Variants in GAB1 observed in about 807,000 individuals in gnomAD.
GAB1 encodes the protein GRB2-associated-binding protein 1.
A neutral mutation model predicts 66.5 loss-of-function variants in GAB1; 19 were observed. The observed-to-expected ratio is 0.29, with a 90% CI of 0.20 to 0.42. The LOEUF (loss-of-function observed/expected upper bound fraction) is 0.42, where lower values mean the gene tolerates loss of function less well. GAB1 is among the 10% of genes least tolerant of loss of function. The pLI, the probability that GAB1 is intolerant of heterozygous loss-of-function variation, is 1.00. For synonymous variants in GAB1, 294 were observed against 301.4 expected (o/e 0.98, Z 0.25); for missense variants, 732 against 858.5 (o/e 0.85, Z 1.84).
At chr4:143,464,577 G>C (rs1735681676) in intron 8 of GAB1, among the ~76,000 whole-genome samples, 1 of 151,992 alleles carries the variant, frequency 6.6e-6, no homozygotes, top group Non-Finnish European at 1.5e-5. Flanking sequence ...TGATAAATTT[G>C]GTTTAAAAAA....
chr4:143,381,633 G>A (rs1431459838), intron 1 of GAB1, among the ~76,000 whole-genome samples: 2 of 152,180 alleles, frequency 1.3e-5, no homozygotes, highest in Non-Finnish European at 2.9e-5. Context: ...ACAGTCCCTG[G>A]GAGGTGGTAT....
intron 1 of GAB1, among the ~76,000 whole-genome samples, chr4:143,356,320 T>C (rs866025303): frequency 1.3e-5 from 2 of 152,190 alleles, no homozygotes; most frequent in African/African-American, 4.8e-5. Flanking sequence ...ATCTATGCAA[T>C]GTGTAAATGC....
intron 8 of GAB1, among the ~76,000 whole-genome samples, chr4:143,465,340 TAG>T (rs1468277540): frequency 6.6e-6 from 1 of 152,214 alleles, no homozygotes; most frequent in African/African-American, 2.4e-5. Context: ...TCCCTTTTTT[TAG>T]AGAGTAGTCC....
chr4:143,337,074 T>C lies in GAB1; in HGVS notation c.-115T>C. ...GTCTGTCCGCCCAGTCCGTCCGGGG[T>C]GCGCGACCAGGAGAGCTAGGTTCTC... is the stretch of plus-strand genomic sequence containing the variant. On this transcript the variant is annotated 5_prime_UTR_variant, in exon 1 of 10. Coordinates refer to ENST00000262994, the MANE Select transcript of GAB1 (RefSeq NM_002039.4). 4.7e-6 allele frequency: 4 copies of C among 857,666 alleles called. No homozygotes were observed. Among genetic ancestry groups the C allele is most frequent in the Non-Finnish European group, 7.2e-6 (4 of 553,416 alleles). The allele number at this position is 857,666 out of a possible 1,614,324, so 53.1% of individuals were successfully genotyped here. A position where few individuals can be genotyped will look rare whatever the true frequency, so the allele number is the denominator to read the frequency against.
chr4:143,436,386 G>A (rs1159231686), intron 3 of GAB1, among the ~76,000 whole-genome samples: 2 of 152,144 alleles, frequency 1.3e-5, no homozygotes, highest in Non-Finnish European at 2.9e-5. Flanking sequence ...CCCTGTAGGG[G>A]CCCTTACTAG....
At chr4:143,434,309 C>T (rs1216842904) in intron 3 of GAB1, 1 of 274,930 alleles carries the variant, frequency 3.6e-6, no homozygotes, top group Non-Finnish European at 7.1e-6. Flanking sequence ...AATTACGAAA[C>T]TTTTAGTCTT....
intron 1 of GAB1, chr4:143,349,278 C>G: frequency 9.1e-7 from 1 of 1,100,012 alleles, no homozygotes; most frequent in East Asian, 2.4e-5. Flanking sequence ...AAAAACCCTA[C>G]GTTGTAGCCA....
chr4:143,372,539 CAA>C (rs35177399), intron 1 of GAB1, among the ~76,000 whole-genome samples: 49,078 of 151,912 alleles, frequency 0.32, 8,120 homozygotes, highest in South Asian at 0.49. Context: ...ACCATGGTCA[CAA>C]GAGAAAACTG....
At chr4:143,447,595 T>A (rs1734635094) in intron 6 of GAB1, among the ~76,000 whole-genome samples, 1 of 152,148 alleles carries the variant, frequency 6.6e-6, no homozygotes, top group Non-Finnish European at 1.5e-5. Flanking sequence ...GGCTCTCTGT[T>A]ATTGGTGTAT....
At chr4:143,460,589 TAAGAAA>T (rs1735439009) in intron 8 of GAB1, 102 bp downstream of exon 8, 1 of 1,058,282 alleles carries the variant, frequency 9.4e-7, no homozygotes, top group African/African-American at 1.6e-5. Flanking sequence ...TTTATATACT[TAAGAAA>T]AAGCAGTAAA....
At chr4:143,362,642 T>C (rs1402967083) in intron 1 of GAB1, among the ~76,000 whole-genome samples, 2 of 152,242 alleles carry the variant, frequency 1.3e-5, no homozygotes, top group Non-Finnish European at 2.9e-5. Context: ...GGAGTGTCTC[T>C]TAGCATGCTA....
intron 1 of GAB1, among the ~76,000 whole-genome samples, chr4:143,385,097 C>T (rs958414051): frequency 8.5e-5 from 13 of 152,262 alleles, no homozygotes; most frequent in African/African-American, 3.1e-4. Flanking sequence ...GTTTATATAT[C>T]AGCATAGCTA....
chr4:143,468,520 C>T (rs1251460495), intron 9 of GAB1, among the ~76,000 whole-genome samples: 5 of 151,654 alleles, frequency 3.3e-5, no homozygotes, highest in African/African-American at 9.7e-5. Context: ...GCTTTGAATT[C>T]TTAAATATAA....
At chr4:143,457,597 T>C in intron 6 of GAB1, 2 of 195,872 alleles carry the variant, frequency 1.0e-5, no homozygotes, top group Non-Finnish European at 1.7e-5. Context: ...CTCTGTTGCT[T>C]TTTTTTTTTT....
chr4:143,400,565 TTTTTTA>T (rs74868785), intron 1 of GAB1, among the ~76,000 whole-genome samples: 7,454 of 152,290 alleles, frequency 0.049, 187 homozygotes, highest in African/African-American at 0.053. Context: ...AGACTTTTTA[TTTTTTA>T]TTTTTAATTC....
intron 1 of GAB1, among the ~76,000 whole-genome samples, chr4:143,373,852 TC>T: frequency 8.3e-6 from 1 of 120,002 alleles, no homozygotes. Context: ...TCTCTCTCTC[TC>T]TCTGTAAATA....
At chr4:143,355,986 A>G (rs1394531942) in intron 1 of GAB1, among the ~76,000 whole-genome samples, 1 of 152,064 alleles carries the variant, frequency 6.6e-6, no homozygotes, top group Non-Finnish European at 1.5e-5. Context: ...TCTGCTGAAC[A>G]TGAAGCTGCA....
chr4:143,432,962 C>G (rs1048188911), intron 2 of GAB1, among the ~76,000 whole-genome samples: 1 of 152,138 alleles, frequency 6.6e-6, no homozygotes, highest in African/African-American at 2.4e-5. Flanking sequence ...CATGAATAGA[C>G]TTTATTTTCA....
intron 1 of GAB1, among the ~76,000 whole-genome samples, chr4:143,409,386 T>TCC (rs146705733): frequency 4.8e-4 from 67 of 138,674 alleles, no homozygotes; most frequent in African/African-American, 1.7e-3. Flanking sequence ...CTTTGAACTT[T>TCC]CCCCCCCCCC....
Sources: gnomAD v4.1 joint callset for allele counts (sites outside exome capture counted in the v4.1 genomes callset) on GRCh38, gnomAD v4.1.1 for gene constraint, MANE v1.5 for transcripts, NCBI Gene and HGNC (gene_info 2026-07-23, HGNC 2026-07-21) for gene names.